Variants in CYLC1 observed in about 807,000 individuals in gnomAD.
The protein encoded by CYLC1 is cylicin 1.
A neutral mutation model predicts 31.6 loss-of-function variants in CYLC1; 2 were observed. The observed-to-expected ratio is 0.06, with a 90% confidence interval of 0.03 to 0.20. CYLC1 has a LOEUF of 0.20. Among genes scored for constraint, CYLC1 ranks in the 10% least tolerant of loss-of-function variants. The pLI is 1.00. For missense variants in CYLC1, 595 were observed against 424.1 expected (o/e 1.40, Z -3.54); for synonymous variants, 185 against 153.0 (o/e 1.21, Z -1.54).
In CYLC1 at chrX:83,876,110, A is replaced by G. The variant is rs977528452; in HGVS notation, c.1923+1479A>G. Among the ~76,000 whole-genome samples the G allele has an allele frequency of 6.3e-5, 7 of 110,915 alleles. No individual in the cohort carries two copies. In the East Asian group the frequency reaches 2.0e-3, roughly 32 times the overall value. On this transcript the variant is annotated intron_variant, in intron 4 of 4. Transcript: ENST00000329312. ...TCTTTGGTTTATAATAAAACTTTAC[A>G]TATGTACATCAATTTACTTCTCATA...
At chrX:83,866,524 C>T (rs62612880) in intron 1 of CYLC1, among the ~76,000 whole-genome samples, 2 of 110,831 alleles carry the variant, frequency 1.8e-5, no homozygotes, top group Admixed American at 1.9e-4. Flanking sequence ...TTCATCCTTC[C>T]TCTCTCTGTC....
chrX:83,885,966 A>T (rs1472892451), intron 4 of CYLC1, among the ~76,000 whole-genome samples: 1 of 110,256 alleles, frequency 9.1e-6, no homozygotes, highest in Non-Finnish European at 1.9e-5. Flanking sequence ...AGGAAATTAG[A>T]GGGAAAAGTT....
At chrX:83,864,781 G>C in intron 1 of CYLC1, 1 of 284,450 alleles carries the variant, frequency 3.5e-6, no homozygotes, top group South Asian at 3.5e-5. Context: ...AGCAGCACTT[G>C]ATACAACTGA....
chrX:83,861,147 CT>C lies in CYLC1; in HGVS notation c.-35del, dbSNP rs1569331282. On this transcript the variant is annotated 5_prime_UTR_variant, in exon 1 of 5. Coordinates refer to ENST00000329312, the MANE Select transcript of CYLC1 (RefSeq NM_021118.3). ...ACTCAACATTACCAGTTTCAACTTA[CT>C]ATGCTCAAGTCCAGGCAACGTACAG... 1.7e-6 allele frequency: 2 copies of C among 1,171,083 alleles called. No individual in the cohort carries two copies. The highest frequency in any genetic ancestry group is 2.3e-6 in the Non-Finnish European group (2 of 863,685).
At position 83,873,194 on chromosome X, in the gene CYLC1, C is replaced by G; in HGVS notation, c.486C>G (p.Pro162=). Residue 162 remains proline, a synonymous_variant, in exon 4 of 5, where the codon CCC becomes CCG. Coordinates refer to ENST00000329312, the MANE Select transcript of CYLC1 (RefSeq NM_021118.3). Reference sequence around the variant, plus strand: ...GACAAAATGAGGCAGATAAAACTCCCTTAAAATCATCACATGAAAATGAAC... The same window carrying G: ...GACAAAATGAGGCAGATAAAACTCCGTTAAAATCATCACATGAAAATGAAC... The part of the protein sequence containing the change: ...TKRQNEADKT[P]LKSSHENEQS... 1 of 1,204,949 alleles carries G rather than the reference C, an allele frequency of 8.3e-7. No homozygotes were observed. Among genetic ancestry groups the G allele is most frequent in the African/African-American group, 1.7e-5 (1 of 57,368 alleles).
intron 4 of CYLC1, among the ~76,000 whole-genome samples, chrX:83,877,997 T>G (rs2031808247): frequency 1.4e-5 from 1 of 70,703 alleles, no homozygotes; most frequent in Non-Finnish European, 2.4e-5. Flanking sequence ...TATATATATT[T>G]GTATATAAAT....
intron 4 of CYLC1, among the ~76,000 whole-genome samples, chrX:83,885,216 C>G (rs1442196979): frequency 3.6e-5 from 4 of 109,642 alleles, no homozygotes; most frequent in African/African-American, 1.3e-4. Context: ...ATAAAACAAG[C>G]CAACATTTTC....
intron 4 of CYLC1, among the ~76,000 whole-genome samples, chrX:83,880,243 A>T (rs994288159): frequency 1.8e-5 from 2 of 111,746 alleles, no homozygotes; most frequent in African/African-American, 6.5e-5. Flanking sequence ...TCTATAATTT[A>T]TTTGGTTGTT....
intron 1 of CYLC1, chrX:83,864,716 T>C (rs1192955919): frequency 3.1e-6 from 1 of 322,571 alleles, no homozygotes; most frequent in East Asian, 1.0e-4. Context: ...CAAACTTATT[T>C]CAGATTTTTG....
rs775262055 is a variant in CYLC1, at chrX:83,874,492, C to T, written c.1784C>T (p.Ala595Val). The change falls in exon 4 of 5, where the codon GCA becomes GTA. Residue 595 changes from alanine (A) to valine (V), a missense_variant. Coordinates refer to ENST00000329312, the MANE Select transcript of CYLC1 (RefSeq NM_021118.3). ...ACATTCAATGAAAAAGGGGAAAAAG[C>T]AAGTACAGGTAGAGTTCCTCCATCA... ...KTTFNEKGEKASTGRVPPSRE... is the reference protein window; with the variant it reads ...KTTFNEKGEKVSTGRVPPSRE... 9.9e-6 allele frequency: 12 copies of T among 1,207,593 alleles called. No individual in the cohort carries two copies. In the East Asian group the frequency reaches 3.6e-4, roughly 36 times the overall value.
chrX:83,873,228 A>C lies in CYLC1; in HGVS notation c.520A>C (p.Lys174Gln). 2 of 1,202,373 alleles carry C rather than the reference A, an allele frequency of 1.7e-6. No homozygotes were observed. The highest frequency in any genetic ancestry group is 1.1e-6 in the Non-Finnish European group (1 of 890,592). Residue 174 changes from lysine to glutamine, a missense_variant, in exon 4 of 5, where the codon AAG (lysine) becomes CAG (glutamine). By Grantham distance (53) the Lys-to-Gln change is moderately conservative. Coordinates refer to ENST00000329312, the MANE Select transcript of CYLC1 (RefSeq NM_021118.3). ...KSSHENEQSK[K>Q]SKSSSETNPE... ...ATCACATGAAAATGAACAATCCAAG[A>C]AGTCAAAATCCAGTTCAGAAACTAA... is the stretch of plus-strand genomic sequence containing the variant.
chrX:83,877,412 C>G (rs961223450), intron 4 of CYLC1, among the ~76,000 whole-genome samples: 1 of 111,082 alleles, frequency 9.0e-6, no homozygotes, highest in African/African-American at 3.3e-5. Flanking sequence ...CCATGTCTGG[C>G]AGAATAAAAT....
At chrX:83,875,904 G>A (rs948430375) in intron 4 of CYLC1, among the ~76,000 whole-genome samples, 5 of 109,935 alleles carry the variant, frequency 4.5e-5, no homozygotes, top group African/African-American at 1.3e-4. Flanking sequence ...TTAAACTCAC[G>A]GCTTCTGTAG....
intron 4 of CYLC1, among the ~76,000 whole-genome samples, chrX:83,877,277 T>C (rs905939122): frequency 1.8e-5 from 2 of 111,275 alleles, no homozygotes; most frequent in African/African-American, 3.3e-5. Context: ...GCTCCAGTCA[T>C]CACCATCATT....
At chrX:83,883,892 A>C (rs1200076355) in intron 4 of CYLC1, among the ~76,000 whole-genome samples, 2 of 111,835 alleles carry the variant, frequency 1.8e-5, no homozygotes, top group Non-Finnish European at 3.8e-5. Flanking sequence ...TCAGTTCATA[A>C]ATTTTTTATT....
chrX:83,874,218 G>T lies in CYLC1; in HGVS notation c.1510G>T (p.Gly504Cys). The stretch of plus-strand genomic sequence containing the variant: ...CAAGAAACACTCAAAGGAAAAGAAA[G>T]GTTCAAAGAAAGATATCAAGAAGGA... The part of the protein sequence containing the change: ...KDKKHSKEKK[G>C]SKKDIKKDAR... Residue 504 changes from glycine to cysteine, a missense_variant, in exon 4 of 5, where the codon GGT becomes TGT. Gly to Cys is a radical substitution (Grantham distance 159). Coordinates refer to ENST00000329312, the MANE Select transcript of CYLC1 (RefSeq NM_021118.3). The T allele has an allele frequency of 8.3e-7, 1 of 1,205,859 alleles. No individual in the cohort carries two copies.
chrX:83,879,802 G>T (rs776252325), intron 4 of CYLC1, among the ~76,000 whole-genome samples: 1 of 111,282 alleles, frequency 9.0e-6, no homozygotes, highest in East Asian at 2.8e-4. Flanking sequence ...GTGTATGGCA[G>T]CTGGGAGCAG....
intron 4 of CYLC1, among the ~76,000 whole-genome samples, chrX:83,878,099 A>ATATAAAAATATATATTTGT (rs2031815053): frequency 5.8e-5 from 3 of 52,147 alleles, no homozygotes; most frequent in African/African-American, 2.4e-4. Context: ...TTTGTATATA[A>ATATAAAAATATATATTTGT]ATATAAATAT....
At chrX:83,871,430 T>C in intron 2 of CYLC1, 22 bp from the exon 3 acceptor site, 1 of 1,129,750 alleles carries the variant, frequency 8.9e-7, no homozygotes, top group Non-Finnish European at 1.2e-6. Context: ...CTCCAAATTG[T>C]TTATTATCCT....
Sources: gnomAD v4.1 joint callset for allele counts (sites outside exome capture counted in the v4.1 genomes callset) on GRCh38, gnomAD v4.1.1 for gene constraint, MANE v1.5 for transcripts, NCBI Gene and HGNC (gene_info 2026-07-23, HGNC 2026-07-21) for gene names.